TUSC3: variants seen among roughly 807,000 people sequenced by gnomAD.
TUSC3 encodes tumor suppressor candidate 3, also known as dolichyl-diphosphooligosaccharide--protein glycosyltransferase subunit TUSC3.
Under a neutral mutation model 44.8 loss-of-function variants are expected in TUSC3, and 45 were observed. That is an observed-to-expected ratio of 1.00 (90% CI 0.79 to 1.29). The LOEUF is 1.29. Among genes scored for constraint, TUSC3 ranks in the 50% most tolerant of loss-of-function variants. The pLI, the probability that TUSC3 is intolerant of heterozygous loss-of-function variation, is 0.00. For synonymous variants in TUSC3, 212 were observed against 152.9 expected, an observed-to-expected ratio of 1.39 and a Z score of -2.85; for missense variants, 519 against 437.9, an observed-to-expected ratio of 1.19 and a Z score of -1.65.
At chr8:15,514,807 C>T (rs1245625554) in intron 2 of TUSC3, among the ~76,000 whole-genome samples, 3 of 152,258 alleles carry the variant, frequency 2.0e-5, no homozygotes, top group African/African-American at 4.8e-5. Context: ...GACCTCAGTT[C>T]AGAATTATGA....
At chr8:15,509,126 A>G (rs1801098626) in intron 2 of TUSC3, among the ~76,000 whole-genome samples, 1 of 152,176 alleles carries the variant, frequency 6.6e-6, no homozygotes, top group Admixed American at 6.5e-5. Flanking sequence ...AACAGTAAGG[A>G]CCCAAGTAAG....
At chr8:15,430,039 A>T (rs924577047) in intron 1 of TUSC3, among the ~76,000 whole-genome samples, 10 of 151,606 alleles carry the variant, frequency 6.6e-5, no homozygotes, top group African/African-American at 2.4e-4. Flanking sequence ...GCCGAATTCT[A>T]CTGGAGGTAC....
chr8:15,842,291 G>C, the TUSC3 span, among the ~76,000 whole-genome samples: 53 of 152,198 alleles, frequency 3.5e-4, no homozygotes, highest in African/African-American at 1.3e-3. Flanking sequence ...TGGGTTGACT[G>C]GTCACTTAGC....
At chr8:15,592,468 C>T (rs940342606) in intron 1 of TUSC3, among the ~76,000 whole-genome samples, 2 of 152,076 alleles carry the variant, frequency 1.3e-5, no homozygotes, top group African/African-American at 4.8e-5. Context: ...ATAGTGCCCT[C>T]CTTGTGGTAA....
chr8:15,607,021 T>C (rs1206872954), intron 1 of TUSC3, among the ~76,000 whole-genome samples: 1 of 152,024 alleles, frequency 6.6e-6, no homozygotes, highest in African/African-American at 2.4e-5. Flanking sequence ...GCATTCAACA[T>C]GGATGGTATC....
At chr8:15,689,206 C>G in intron 6 of TUSC3, 3 of 363,588 alleles carry the variant, frequency 8.3e-6, no homozygotes, top group Non-Finnish European at 1.6e-5. Context: ...GCTAAGCATT[C>G]CATTTTCTCT....
chr8:15,462,289 A>T (rs1354459485), intron 1 of TUSC3, among the ~76,000 whole-genome samples: 2 of 152,146 alleles, frequency 1.3e-5, no homozygotes, highest in Admixed American at 6.6e-5. Context: ...TATCTAGAAT[A>T]TATAAACAAC....
At chr8:15,585,952 C>A (rs189465743) in intron 1 of TUSC3, among the ~76,000 whole-genome samples, 2 of 151,610 alleles carry the variant, frequency 1.3e-5, no homozygotes, top group Non-Finnish European at 2.9e-5. Flanking sequence ...AGAATTCCTA[C>A]GGAATAAAGA....
At chr8:15,445,535 C>G (rs1800084907) in intron 1 of TUSC3, among the ~76,000 whole-genome samples, 2 of 152,102 alleles carry the variant, frequency 1.3e-5, no homozygotes, top group Non-Finnish European at 2.9e-5. Flanking sequence ...GAGCATGCTG[C>G]CTTCAAGCAT....
Position 15,764,854 on chromosome 8 carries a change from C to G in TUSC3, c.*698C>G, listed in dbSNP as rs1812284639. The G allele has an allele frequency of 6.6e-6, 1 of 152,016 alleles. No individual in the cohort carries two copies. The highest frequency in any genetic ancestry group is 2.1e-4 in the South Asian group (1 of 4,828). 9.4% of individuals were successfully genotyped at this position (152,016 alleles called of 1,614,324 possible). On this transcript the variant is annotated 3_prime_UTR_variant, in exon 11 of 11. Coordinates refer to ENST00000503731, the MANE Select transcript of TUSC3 (RefSeq NM_006765.4). ...AGACGATGAAAGCAACATACCACAA[C>G]TAGGAGTTATTTCTCAAACTTAAAT... is the stretch of plus-strand genomic sequence containing the variant.
intron 1 of TUSC3, among the ~76,000 whole-genome samples, chr8:15,441,412 T>C (rs28578802): frequency 6.6e-6 from 1 of 152,092 alleles, no homozygotes; most frequent in Non-Finnish European, 1.5e-5. Context: ...CTCAAAAAAA[T>C]TAAGTAAGTA....
chr8:15,593,829 C>G (rs1018024745), intron 1 of TUSC3, among the ~76,000 whole-genome samples: 2 of 152,054 alleles, frequency 1.3e-5, no homozygotes, highest in African/African-American at 4.8e-5. Flanking sequence ...CTTTCATATT[C>G]TCTTCCTTGC....
chr8:15,805,879 T>A, the TUSC3 span, among the ~76,000 whole-genome samples: 3 of 152,148 alleles, frequency 2.0e-5, no homozygotes, highest in Non-Finnish European at 2.9e-5. Flanking sequence ...ATAGTTTCAG[T>A]AGAATTAGTA....
At chr8:15,514,013 C>G (rs1355635848) in intron 2 of TUSC3, among the ~76,000 whole-genome samples, 2 of 152,160 alleles carry the variant, frequency 1.3e-5, no homozygotes, top group African/African-American at 2.4e-5. Context: ...CCTCTTACAG[C>G]CTAAAGGAAC....
At chr8:15,446,999 A>G (rs527279579) in intron 1 of TUSC3, among the ~76,000 whole-genome samples, 2 of 152,270 alleles carry the variant, frequency 1.3e-5, no homozygotes, top group Non-Finnish European at 2.9e-5. Flanking sequence ...CTTTTGAAGA[A>G]TAATCAAATG....
chr8:15,605,693 A>T (rs1804491100), intron 1 of TUSC3, among the ~76,000 whole-genome samples: 1 of 152,000 alleles, frequency 6.6e-6, no homozygotes, highest in Non-Finnish European at 1.5e-5. Context: ...GTACCATAAG[A>T]TATACACAAA....
At chr8:15,439,953 A>T (rs1026675702) in intron 1 of TUSC3, among the ~76,000 whole-genome samples, 39 of 152,184 alleles carry the variant, frequency 2.6e-4, no homozygotes, top group African/African-American at 9.4e-4. Context: ...TATTTCATCC[A>T]TTCATTTAAC....
intron 1 of TUSC3, among the ~76,000 whole-genome samples, chr8:15,617,605 T>G (rs924632240): frequency 6.6e-6 from 1 of 152,188 alleles, no homozygotes; most frequent in African/African-American, 2.4e-5. Flanking sequence ...GGTGTACTCA[T>G]TAAGTACAGA....
intron 2 of TUSC3, among the ~76,000 whole-genome samples, chr8:15,494,572 T>C (rs1800855016): frequency 6.6e-6 from 1 of 152,136 alleles, no homozygotes; most frequent in South Asian, 2.1e-4. Flanking sequence ...ACGCCTCAGC[T>C]TCCCAAAGTG....
Sources: allele counts gnomAD v4.1 joint callset (sites outside exome capture counted in the v4.1 genomes callset), GRCh38; gene constraint gnomAD v4.1.1; transcripts MANE v1.5; gene names NCBI Gene and HGNC (gene_info 2026-07-23, HGNC 2026-07-21).